Variants in GADL1 observed in about 807,000 individuals in gnomAD.
The protein encoded by GADL1 is acidic amino acid decarboxylase GADL1.
Under a neutral mutation model 69.5 loss-of-function variants are expected in GADL1, and 71 were observed. The ratio of observed to expected loss-of-function variants is 1.02; its 90% CI spans 0.84 to 1.25. The LOEUF (loss-of-function observed/expected upper bound fraction) is 1.25, where lower values mean the gene tolerates loss of function less well. Ranked by LOEUF, GADL1 falls within the 50% of genes most tolerant of loss-of-function variation. The pLI is 0.00. For missense variants in GADL1, 737 were observed against 631.8 expected (o/e 1.17, Z -1.79); for synonymous variants, 254 against 214.4 (o/e 1.18, Z -1.62).
chr3:30,741,405 T>C (rs1695624703), intron 14 of GADL1, among the ~76,000 whole-genome samples: 1 of 152,062 alleles, frequency 6.6e-6, no homozygotes, highest in Non-Finnish European at 1.5e-5. Flanking sequence ...ACACTGCTGA[T>C]GGAACAAGCC....
Position 30,767,295 on chromosome 3 carries a change from A to G in GADL1, c.1392+10884T>C, listed in dbSNP as rs115129199. Among the ~76,000 whole-genome samples, 285 of 152,328 alleles carry G rather than the reference A, an allele frequency of 1.9e-3. 2 individuals are homozygous for G. Among genetic ancestry groups the G allele is most frequent in the Non-Finnish European group, 3.0e-3 (205 of 68,030 alleles). On this transcript the variant is annotated intron_variant, in intron 14 of 14. Transcript: ENST00000282538. Reference sequence around the variant, plus strand: ...TAACTTAAAGAGTTCTAAAACATATAAAAATGAAAAATATTAAAGAATGCT... The same window carrying G: ...TAACTTAAAGAGTTCTAAAACATATGAAAATGAAAAATATTAAAGAATGCT...
intron 14 of GADL1, among the ~76,000 whole-genome samples, chr3:30,773,428 A>G (rs1696463689): frequency 1.9e-5 from 2 of 102,826 alleles, no homozygotes; most frequent in African/African-American, 1.1e-4. Flanking sequence ...ACAAACATAC[A>G]TTATAGAAAA....
chr3:30,875,627 C>A (rs557387505), intron 1 of GADL1, among the ~76,000 whole-genome samples: 1 of 151,986 alleles, frequency 6.6e-6, no homozygotes, highest in African/African-American at 2.4e-5. Context: ...CACTGTCTTA[C>A]AGCAGTTCTG....
At chr3:30,786,037 A>G (rs533740072) in intron 13 of GADL1, among the ~76,000 whole-genome samples, 60 of 152,320 alleles carry the variant, frequency 3.9e-4, no homozygotes, top group African/African-American at 1.4e-3. Context: ...GCACCACTAC[A>G]TCACAGATGA....
At chr3:30,771,435 A>G (rs1270096832) in intron 14 of GADL1, among the ~76,000 whole-genome samples, 4 of 152,102 alleles carry the variant, frequency 2.6e-5, no homozygotes, top group African/African-American at 9.7e-5. Context: ...AATTCAGGAC[A>G]TTCATTAGTT....
chr3:30,861,016 G>A (rs950780763), intron 2 of GADL1, among the ~76,000 whole-genome samples: 5 of 151,822 alleles, frequency 3.3e-5, no homozygotes, highest in Admixed American at 6.6e-5. Flanking sequence ...CATTAGCGGC[G>A]GTTCTAATAT....
intron 4 of GADL1, among the ~76,000 whole-genome samples, chr3:30,853,141 T>C (rs1402207144): frequency 1.3e-5 from 2 of 152,130 alleles, no homozygotes; most frequent in Non-Finnish European, 2.9e-5. Context: ...CTCCTAACCA[T>C]TAAATGTTAG....
chr3:30,818,480 T>C (rs772063287), intron 11 of GADL1, among the ~76,000 whole-genome samples: 42 of 152,272 alleles, frequency 2.8e-4, no homozygotes, highest in Non-Finnish European at 5.3e-4. Context: ...AAAACATGGT[T>C]GATTAAGATT....
chr3:30,778,693 C>A (rs1696592797), intron 13 of GADL1: 1 of 156,952 alleles, frequency 6.4e-6, no homozygotes, highest in Non-Finnish European at 1.4e-5. Context: ...CTACACCTGG[C>A]AAATGCAAAA....
chr3:30,808,173 C>T, intron 11 of GADL1, among the ~76,000 whole-genome samples: 1 of 149,288 alleles, frequency 6.7e-6, no homozygotes, highest in African/African-American at 2.5e-5. Context: ...AATGGCAGGG[C>T]AGAGAGGTGG....
chr3:30,790,132 TC>T (rs1696883008), intron 12 of GADL1, among the ~76,000 whole-genome samples: 1 of 152,166 alleles, frequency 6.6e-6, no homozygotes, highest in Non-Finnish European at 1.5e-5. Context: ...ATGTGACTCT[TC>T]CTTTCATTTG....
rs1317288533 is a variant in GADL1 at position 30,834,353 on chromosome 3, A to T, written c.904-72T>A. On this transcript the variant is annotated intron_variant, in intron 9 of 14. Transcript: ENST00000282538. ...TTGTTTACCAGTGGGTTGTCATAGA[A>T]AACCCTCAGTGAGGACCTCAATCTG... 3 of 1,250,088 alleles carry T rather than the reference A, an allele frequency of 2.4e-6. No individual in the cohort carries two copies. In the African/African-American group the frequency reaches 4.4e-5, roughly 19 times the overall value. The allele number at this position is 1,250,088 out of a possible 1,614,324, so 77.4% of individuals were successfully genotyped here.
At chr3:30,864,992 T>C (rs1284693709) in intron 1 of GADL1, among the ~76,000 whole-genome samples, 1 of 151,982 alleles carries the variant, frequency 6.6e-6, no homozygotes, top group African/African-American at 2.4e-5. Flanking sequence ...GCTTAAAGCA[T>C]TCAATGACTC....
At chr3:30,763,882 G>C (rs998900714) in intron 14 of GADL1, among the ~76,000 whole-genome samples, 3 of 151,700 alleles carry the variant, frequency 2.0e-5, no homozygotes, top group African/African-American at 7.3e-5. Context: ...ACCTTAAAAT[G>C]ATATAATTTG....
intron 12 of GADL1, among the ~76,000 whole-genome samples, chr3:30,792,420 A>C (rs1029749670): frequency 1.3e-5 from 2 of 152,090 alleles, no homozygotes; most frequent in Non-Finnish European, 2.9e-5. Context: ...AAAGAATACA[A>C]AAATTAGCCG....
At chr3:30,834,927 A>G (rs1697850183) in intron 9 of GADL1, among the ~76,000 whole-genome samples, 1 of 152,104 alleles carries the variant, frequency 6.6e-6, no homozygotes. Context: ...AGAAAAATTG[A>G]TGTAAGAAAT....
intron 11 of GADL1, among the ~76,000 whole-genome samples, chr3:30,828,394 T>G (rs1436018223): frequency 6.6e-6 from 1 of 150,540 alleles, no homozygotes; most frequent in East Asian, 2.0e-4. Flanking sequence ...TACGTTGTAC[T>G]ATGTGGCTCA....
intron 14 of GADL1, among the ~76,000 whole-genome samples, chr3:30,764,094 A>C (rs1559492304): frequency 2.0e-5 from 3 of 152,196 alleles, no homozygotes; most frequent in African/African-American, 7.2e-5. Flanking sequence ...AACATTCATA[A>C]AAATGCAAAT....
intron 14 of GADL1, among the ~76,000 whole-genome samples, chr3:30,766,290 T>C (rs1231360379): frequency 2.6e-5 from 4 of 152,174 alleles, no homozygotes; most frequent in African/African-American, 7.2e-5. Context: ...AAATTCACTC[T>C]CATTAACCCT....
Sources: gnomAD v4.1 joint callset for allele counts (sites outside exome capture counted in the v4.1 genomes callset) on GRCh38, gnomAD v4.1.1 for gene constraint, MANE v1.5 for transcripts, NCBI Gene and HGNC (gene_info 2026-07-23, HGNC 2026-07-21) for gene names.